MB21D2: variants seen among roughly 807,000 people sequenced by gnomAD.
MB21D2 encodes Mab-21 domain containing 2, also known as nucleotidyltransferase MB21D2.
Under a neutral mutation model 33.3 loss-of-function variants are expected in MB21D2, and 9 were observed. The observed-to-expected ratio is 0.27, with a 90% CI of 0.16 to 0.47. The LOEUF is 0.47. Among genes scored for constraint, MB21D2 ranks in the 20% least tolerant of loss-of-function variants. The probability of loss-of-function intolerance (pLI) is 0.99; values close to 1 mark genes in which losing one functional copy is unlikely to be tolerated. For missense variants in MB21D2, 540 were observed against 624.6 expected (o/e 0.86, Z 1.44); for synonymous variants, 241 against 236.3 (o/e 1.02, Z -0.18).
intron 1 of MB21D2, among the ~76,000 whole-genome samples, chr3:192,817,714 C>T (rs1711957677): frequency 6.6e-6 from 1 of 152,186 alleles, no homozygotes; most frequent in African/African-American, 2.4e-5. Context: ...GTCCTCACAT[C>T]TCTCACAGGG....
At chr3:192,831,967 C>A (rs1712324390) in intron 1 of MB21D2, among the ~76,000 whole-genome samples, 2 of 152,172 alleles carry the variant, frequency 1.3e-5, no homozygotes, top group Admixed American at 1.3e-4. Context: ...AATGCTATTG[C>A]CTCAGGCTCC....
At chr3:192,878,278 G>A (rs1370279711) in intron 1 of MB21D2, among the ~76,000 whole-genome samples, 1 of 151,842 alleles carries the variant, frequency 6.6e-6, no homozygotes, top group African/African-American at 2.4e-5. Flanking sequence ...TTGACTCCAT[G>A]GTGTATTATC....
At chr3:192,837,821 C>A (rs1485526991) in intron 1 of MB21D2, among the ~76,000 whole-genome samples, 3 of 152,182 alleles carry the variant, frequency 2.0e-5, no homozygotes, top group Non-Finnish European at 4.4e-5. Flanking sequence ...TGAAAGAAAA[C>A]AACTGAGAAG....
Position 192,798,988 on chromosome 3 carries a change from C to A in MB21D2, c.874G>T (p.Ala292Ser). The change falls in exon 2 of 2, where the codon GCC becomes TCC. Residue 292 changes from alanine to serine, a missense_variant. Coordinates refer to ENST00000392452, the MANE Select transcript of MB21D2 (RefSeq NM_178496.4). This position sits in a 1 kb window ranked among gnomAD's most constrained non-coding sequence, Gnocchi z 4.8. Reference protein sequence around the residue: ...KKDNEWRLSFARSEVQLKKCI... With the variant: ...KKDNEWRLSFSRSEVQLKKCI... ...TTCTTCAACTGCACCTCGCTCCTGG[C>A]AAAGGACAGCCGCCATTCATTGTCC... 1.2e-6 allele frequency: 2 copies of A among 1,614,080 alleles called. No homozygotes were observed. The highest frequency in any genetic ancestry group is 1.7e-6 in the Non-Finnish European group (2 of 1,180,004).
At chr3:192,894,083 C>T (rs1351482255) in intron 1 of MB21D2, among the ~76,000 whole-genome samples, 1 of 151,968 alleles carries the variant, frequency 6.6e-6, no homozygotes, top group African/African-American at 2.4e-5. Context: ...CATTCTGTTC[C>T]CTGTTCAAGC....
chr3:192,875,846 C>G (rs1228317513), intron 1 of MB21D2, among the ~76,000 whole-genome samples: 1 of 152,146 alleles, frequency 6.6e-6, no homozygotes, highest in East Asian at 1.9e-4. Flanking sequence ...ATCAGCAGTT[C>G]TTCCCAAGCA....
At chr3:192,827,485 T>C (rs934521212) in intron 1 of MB21D2, among the ~76,000 whole-genome samples, 1 of 152,054 alleles carries the variant, frequency 6.6e-6, no homozygotes, top group Non-Finnish European at 1.5e-5. Flanking sequence ...CTTAGAGAAG[T>C]CTATTGAAGC....
intron 1 of MB21D2, among the ~76,000 whole-genome samples, chr3:192,914,173 C>T (rs1313595055): frequency 6.6e-6 from 1 of 152,036 alleles, no homozygotes; most frequent in East Asian, 1.9e-4. Flanking sequence ...GCATCTCTAC[C>T]ATCTATTAGC....
At chr3:192,860,814 C>G (rs1297820757) in intron 1 of MB21D2, among the ~76,000 whole-genome samples, 2 of 152,230 alleles carry the variant, frequency 1.3e-5, no homozygotes, top group African/African-American at 4.8e-5. Context: ...ATAGACACCA[C>G]AGAGGAACCC....
chr3:192,861,370 TGA>T (rs1462591465), intron 1 of MB21D2, among the ~76,000 whole-genome samples: 18 of 152,236 alleles, frequency 1.2e-4, no homozygotes, highest in Admixed American at 1.2e-3. Flanking sequence ...CTAAATGGTA[TGA>T]GAGAGCTGCA....
intron 1 of MB21D2, among the ~76,000 whole-genome samples, chr3:192,871,908 T>C (rs534099291): frequency 6.6e-6 from 1 of 152,244 alleles, no homozygotes; most frequent in South Asian, 2.1e-4. Context: ...TAACTAGAAA[T>C]GCCCTTGGGT....
rs768590208 is a variant in MB21D2 at position 192,799,365 on chromosome 3, G to T, written c.497C>A (p.Thr166Asn). The change falls in exon 2 of 2, where the codon ACC becomes AAC. Residue 166 changes from threonine (T) to asparagine (N), a missense_variant. Transcript: ENST00000392452. The surrounding 1 kb of genome is among the most constrained non-coding windows in gnomAD (Gnocchi z 4.1). ...GGCACCATTGATGTGATCTACAATG[G>T]TGCAGCAGTCTTTCCATTTACTGAT... is the stretch of plus-strand genomic sequence containing the variant. ...GTISKWKDCC[T>N]IVDHINGATN... The T allele has an allele frequency of 2.2e-5, 36 of 1,614,108 alleles. No individual in the cohort carries two copies. The highest frequency in any genetic ancestry group is 5.9e-6 in the Non-Finnish European group (7 of 1,180,042).
At chr3:192,820,184 A>G (rs1415784784) in intron 1 of MB21D2, among the ~76,000 whole-genome samples, 1 of 152,214 alleles carries the variant, frequency 6.6e-6, no homozygotes, top group African/African-American at 2.4e-5. Flanking sequence ...TAAGATGTAT[A>G]AAAGTACACA....
At chr3:192,831,547 C>T (rs1036930220) in intron 1 of MB21D2, among the ~76,000 whole-genome samples, 2 of 152,176 alleles carry the variant, frequency 1.3e-5, no homozygotes, top group African/African-American at 4.8e-5. Context: ...AGTCACGTCA[C>T]CTTCTTAGTA....
At chr3:192,869,115 G>A (rs1713231071) in intron 1 of MB21D2, among the ~76,000 whole-genome samples, 1 of 152,048 alleles carries the variant, frequency 6.6e-6, no homozygotes, top group Admixed American at 6.6e-5. Context: ...AATTAGCTGG[G>A]CATGGTGGTG....
At chr3:192,837,578 T>A (rs1411221980) in intron 1 of MB21D2, among the ~76,000 whole-genome samples, 1 of 152,196 alleles carries the variant, frequency 6.6e-6, no homozygotes, top group Admixed American at 6.5e-5. Flanking sequence ...AAACCTTGAT[T>A]GTCAGACCTG....
chr3:192,831,191 C>G (rs924114833), intron 1 of MB21D2, among the ~76,000 whole-genome samples: 1 of 152,160 alleles, frequency 6.6e-6, no homozygotes, highest in Non-Finnish European at 1.5e-5. Flanking sequence ...GTCACTATGT[C>G]GCAGCACTTC....
chr3:192,912,341 G>A (rs185497442), intron 1 of MB21D2, among the ~76,000 whole-genome samples: 1 of 152,202 alleles, frequency 6.6e-6, no homozygotes, highest in Admixed American at 6.5e-5. Context: ...AAAACAGAGG[G>A]AGAGAAAGAG....
rs1480695676 is a variant in MB21D2, at chr3:192,799,819, C to A, written c.212-169G>T. On this transcript the variant is annotated intron_variant, in intron 1 of 1. Coordinates refer to ENST00000392452, the MANE Select transcript of MB21D2 (RefSeq NM_178496.4). The surrounding 1 kb of genome is among the most constrained non-coding windows in gnomAD (Gnocchi z 4.1). ...GGCCAACAGTACTTTCTCACTAGTG[C>A]TAGAATCCACCCTTTTCCAAATGCA... 6.6e-6 allele frequency among the ~76,000 whole-genome samples: 1 copy of A among 152,168 alleles called. No homozygotes were observed. The highest frequency in any genetic ancestry group is 6.5e-5 in the Admixed American group (1 of 15,268).
Sources: allele counts gnomAD v4.1 joint callset (sites outside exome capture counted in the v4.1 genomes callset), GRCh38; gene constraint gnomAD v4.1.1; non-coding constraint Gnocchi (gnomAD v3.1); transcripts MANE v1.5; gene names NCBI Gene and HGNC (gene_info 2026-07-23, HGNC 2026-07-21).